PCDHAC2: variants seen among roughly 807,000 people sequenced by gnomAD.
PCDHAC2 encodes protocadherin alpha subfamily C, 2.
PCDHAC2 carries 24 observed loss-of-function variants against 63.3 expected under a neutral mutation model. The ratio of observed to expected loss-of-function variants is 0.38; its 90% confidence interval spans 0.27 to 0.53. The LOEUF (loss-of-function observed/expected upper bound fraction) is 0.53. Among genes scored for constraint, PCDHAC2 ranks in the 20% least tolerant of loss-of-function variants. PCDHAC2 has a pLI of 0.81. For synonymous variants in PCDHAC2, 569 were observed against 529.4 expected, an observed-to-expected ratio of 1.07 and a Z score of -1.03; for missense variants, 1,181 against 1,275.2, an observed-to-expected ratio of 0.93 and a Z score of 1.12.
At chr5:140,981,289 C>G (rs1554242771) in intron 2 of PCDHAC2, among the ~76,000 whole-genome samples, 1 of 152,138 alleles carries the variant, frequency 6.6e-6, no homozygotes, top group Non-Finnish European at 1.5e-5. Flanking sequence ...AAAGGGTCCT[C>G]TAGTCTAGGT....
chr5:140,982,218 G>T, intron 2 of PCDHAC2: 1 of 523,694 alleles, frequency 1.9e-6, no homozygotes, highest in South Asian at 3.9e-5. Flanking sequence ...GCCACATGGC[G>T]TTAATAAAAA....
At chr5:140,972,660 A>ATTTTTTTT (rs11350929) in intron 1 of PCDHAC2, among the ~76,000 whole-genome samples, 1 of 117,268 alleles carries the variant, frequency 8.5e-6, no homozygotes, top group Non-Finnish European at 1.7e-5. Context: ...AAGAAACCAA[A>ATTTTTTTT]TTTTTTTTTT....
chr5:140,972,411 G>A (rs1258321444), intron 1 of PCDHAC2, among the ~76,000 whole-genome samples: 1 of 151,680 alleles, frequency 6.6e-6, no homozygotes, highest in Non-Finnish European at 1.5e-5. Flanking sequence ...GGCAAACCCT[G>A]TTAAGATCTT....
Position 140,966,657 on chromosome 5 carries a change from G to A in PCDHAC2, c.-110G>A. 1.7e-6 allele frequency: 2 copies of A among 1,210,192 alleles called. No individual in the cohort carries two copies. Among genetic ancestry groups the A allele is most frequent in the Admixed American group, 3.9e-5 (1 of 25,612 alleles). The allele number at this position is 1,210,192 out of a possible 1,614,324, so 75.0% of individuals were successfully genotyped here. On this transcript the variant is annotated 5_prime_UTR_variant, in exon 1 of 4. Coordinates refer to ENST00000289269, the MANE Select transcript of PCDHAC2 (RefSeq NM_018899.6). ...GCGCTTTCTAGAGCGTGAGCGGTGG[G>A]GGAGCAGGCGCAGGGTGGCACGAGC...
Position 140,967,332 on chromosome 5 carries a change from C to G in PCDHAC2, c.566C>G (p.Pro189Arg). The change falls in exon 1 of 4, where the codon CCC becomes CGC. Residue 189 changes from proline (P) to arginine (R), a missense_variant. Physicochemically the swap from Pro to Arg is moderately radical, Grantham distance 103 (BLOSUM62 -2). This residue lies in a region of PCDHAC2 where 968 missense variants were observed against 1,073.5 expected (regional missense o/e 0.90). Transcript: ENST00000289269. ...ANSVQTYELS[P>R]SEHFELDLKP... ...TCAGTACAGACCTACGAGCTCAGCC[C>G]CAGCGAGCACTTCGAGCTGGACCTT... is the stretch of plus-strand genomic sequence containing the variant. 1.2e-6 allele frequency: 2 copies of G among 1,608,024 alleles called. No homozygotes were observed. The highest frequency in any genetic ancestry group is 1.7e-6 in the Non-Finnish European group (2 of 1,175,898).
At chr5:140,984,588 T>C (rs1338170509) in intron 3 of PCDHAC2, among the ~76,000 whole-genome samples, 1 of 152,170 alleles carries the variant, frequency 6.6e-6, no homozygotes, top group Non-Finnish European at 1.5e-5. Flanking sequence ...AATCATACTT[T>C]TCAATACATA....
Position 140,967,498 on chromosome 5 carries a change from T to A in PCDHAC2, c.732T>A (p.Ser244=), listed in dbSNP as rs1554229623. 1.9e-6 allele frequency: 3 copies of A among 1,613,108 alleles called. No individual in the cohort carries two copies. Among genetic ancestry groups the A allele is most frequent in the Non-Finnish European group, 2.5e-6 (3 of 1,179,402 alleles). Residue 244 remains serine (S), a synonymous_variant, in exon 1 of 4, where the codon TCT becomes TCA. Coordinates refer to ENST00000289269, the MANE Select transcript of PCDHAC2 (RefSeq NM_018899.6). ...CCCGCTCGGGTACGGCACAGATCTC[T>A]GTGCGTGTCCTGGACACTAACGACA... is the stretch of plus-strand genomic sequence containing the variant. ...IPARSGTAQI[S]VRVLDTNDNS...
At chr5:140,979,868 C>T (rs1554241158) in intron 2 of PCDHAC2, among the ~76,000 whole-genome samples, 1 of 152,160 alleles carries the variant, frequency 6.6e-6, no homozygotes. Context: ...AATATCTGGG[C>T]AACTATCAAG....
chr5:140,979,514 C>G lies in PCDHAC2; in HGVS notation c.2624+507C>G, dbSNP rs75440413. On this transcript the variant is annotated intron_variant, in intron 2 of 3. Transcript: ENST00000289269. Reference sequence around the variant, plus strand: ...ATTAGAGCCTCCTCATCTTTCCCATCTGTTGCTATCTTATTGTCATCAATG... The same window carrying G: ...ATTAGAGCCTCCTCATCTTTCCCATGTGTTGCTATCTTATTGTCATCAATG... 4.7e-4 allele frequency among the ~76,000 whole-genome samples: 71 copies of G among 152,274 alleles called. 1 individual carries two copies. In the East Asian group the frequency reaches 0.014, roughly 29 times the overall value.
chr5:140,967,347 A>G lies in PCDHAC2; in HGVS notation c.581A>G (p.Glu194Gly). The G allele has an allele frequency of 6.2e-7, 1 of 1,608,324 alleles. No homozygotes were observed. Among genetic ancestry groups the G allele is most frequent in the South Asian group, 1.1e-5 (1 of 90,820 alleles). Residue 194 changes from glutamate to glycine, a missense_variant, in exon 1 of 4, where the codon GAG (glutamate) becomes GGG (glycine). Coordinates refer to ENST00000289269, the MANE Select transcript of PCDHAC2 (RefSeq NM_018899.6). ...TYELSPSEHFELDLKPLQENS... is the reference protein window; with the variant it reads ...TYELSPSEHFGLDLKPLQENS... Reference sequence around the variant, plus strand: ...GAGCTCAGCCCCAGCGAGCACTTCGAGCTGGACCTTAAGCCCCTGCAGGAG... The same window carrying G: ...GAGCTCAGCCCCAGCGAGCACTTCGGGCTGGACCTTAAGCCCCTGCAGGAG...
At chr5:141,001,032 TTTAA>T (rs1332637304) in intron 3 of PCDHAC2, among the ~76,000 whole-genome samples, 3 of 152,348 alleles carry the variant, frequency 2.0e-5, no homozygotes, top group Middle Eastern at 3.4e-3. Flanking sequence ...TAATAATAGC[TTTAA>T]TTAATTGTAA....
chr5:141,009,571 T>C, intron 3 of PCDHAC2, 56 bp from the exon 4 acceptor site: 10 of 1,578,600 alleles, frequency 6.3e-6, no homozygotes, highest in Non-Finnish European at 7.7e-6. Context: ...ACCAGCAGTG[T>C]GGCATCAAGA....
chr5:140,978,424 T>C (rs1554239310), intron 1 of PCDHAC2, among the ~76,000 whole-genome samples: 1 of 152,238 alleles, frequency 6.6e-6, no homozygotes, highest in African/African-American at 2.4e-5. Flanking sequence ...GAGACTGTTA[T>C]CAGTTGCTGG....
chr5:140,969,557 A>G, intron 1 of PCDHAC2: 2 of 1,212,410 alleles, frequency 1.6e-6, no homozygotes, highest in South Asian at 3.3e-5. Context: ...AGCCTTGTCC[A>G]TAAAATTGTT....
Position 140,975,977 on chromosome 5 carries a change from TA to T in PCDHAC2, c.2566-2971del, listed in dbSNP as rs781900191. ...GTTCTTCACCAATAGAAAGTAAGCATAGTCCTGGGAGGTACCATCTAAGTAT... is the reference window on the plus strand; with the variant it reads ...GTTCTTCACCAATAGAAAGTAAGCATGTCCTGGGAGGTACCATCTAAGTAT... On this transcript the variant is annotated intron_variant, in intron 1 of 3. Coordinates refer to ENST00000289269, the MANE Select transcript of PCDHAC2 (RefSeq NM_018899.6). Among the ~76,000 whole-genome samples, 17 of 152,284 alleles carry T rather than the reference TA, an allele frequency of 1.1e-4. 1 individual carries two copies. The highest frequency in any genetic ancestry group is 1.8e-4 in the Non-Finnish European group (12 of 68,014).
chr5:141,000,421 ATTTTT>A (rs34755515), intron 3 of PCDHAC2, among the ~76,000 whole-genome samples: 89 of 27,938 alleles, frequency 3.2e-3, no homozygotes, highest in East Asian at 4.2e-3. Flanking sequence ...ATATATATAT[ATTTTT>A]TTTTTTTTTT....
In PCDHAC2 at chr5:140,984,898, A is replaced by G. The variant is rs551340383; in HGVS notation, c.2713+2335A>G. ...GTTACCATGAGAACTAAAGGAGAAA[A>G]AAAGAACTGAGCATAGTGCTTGACA... On this transcript the variant is annotated intron_variant, in intron 3 of 3. Transcript: ENST00000289269. Among the ~76,000 whole-genome samples, 21 of 152,282 alleles carry G rather than the reference A, an allele frequency of 1.4e-4. No individual in the cohort carries two copies. The South Asian group carries it at 4.4e-3, about 32-fold the overall frequency.
At chr5:140,978,897 G>A in intron 1 of PCDHAC2, 52 bp from the exon 2 acceptor site, 2 of 1,612,776 alleles carry the variant, frequency 1.2e-6, no homozygotes, top group South Asian at 1.1e-5. Flanking sequence ...AGCATTCCTG[G>A]GAGAACATTG....
rs782594245 is a variant in PCDHAC2 at position 140,968,899 on chromosome 5, A to T, written c.2133A>T (p.Ala711=). ...YSEITLYLII[A]LSTVSFIFLL... ...AAATTACCCTTTATCTAATAATAGC[A>T]TTAAGCACAGTGTCTTTTATATTTC... Residue 711 remains alanine, a synonymous_variant, in exon 1 of 4, where the codon GCA becomes GCT. Coordinates refer to ENST00000289269, the MANE Select transcript of PCDHAC2 (RefSeq NM_018899.6). The T allele has an allele frequency of 4.3e-6, 7 of 1,614,130 alleles. No individual in the cohort carries two copies. The highest frequency in any genetic ancestry group is 5.1e-6 in the Non-Finnish European group (6 of 1,180,048).
Sources: gnomAD v4.1 joint callset for allele counts (sites outside exome capture counted in the v4.1 genomes callset) on GRCh38, gnomAD v4.1.1 for gene constraint, gnomAD v4.1.1 regional missense constraint, MANE v1.5 for transcripts, NCBI Gene and HGNC (gene_info 2026-07-23, HGNC 2026-07-21) for gene names.